Variants in GPHN observed in about 807,000 individuals in gnomAD.
The protein encoded by GPHN is gephyrin.
GPHN carries 17 observed loss-of-function variants against 95.5 expected under a neutral mutation model. The ratio of observed to expected loss-of-function variants is 0.18; its 90% CI spans 0.12 to 0.27. The LOEUF (loss-of-function observed/expected upper bound fraction) is 0.27. Among genes scored for constraint, GPHN ranks in the 10% least tolerant of loss-of-function variants. The pLI is 1.00. For synonymous variants in GPHN, 320 were observed against 322.5 expected (o/e 0.99, Z 0.08); for missense variants, 660 against 978.1 (o/e 0.67, Z 4.34).
intron 3 of GPHN, among the ~76,000 whole-genome samples, chr14:66,783,923 A>G (rs1470834819): frequency 1.3e-5 from 2 of 152,210 alleles, no homozygotes; most frequent in African/African-American, 4.8e-5. Flanking sequence ...CTGCTAAAAA[A>G]GATTAAATAG....
chr14:67,523,364 C>A, the GPHN span, among the ~76,000 whole-genome samples: 1 of 151,584 alleles, frequency 6.6e-6, no homozygotes, highest in Non-Finnish European at 1.5e-5. Flanking sequence ...GTCCAGTCCT[C>A]AAAACAGTAC....
chr14:67,423,253 A>G, the GPHN span, among the ~76,000 whole-genome samples: 1 of 152,182 alleles, frequency 6.6e-6, no homozygotes, highest in Non-Finnish European at 1.5e-5. Flanking sequence ...ATTTGTTTGC[A>G]AGATTGAATT....
chr14:67,583,849 C>T, the GPHN span: 566 of 1,613,346 alleles, frequency 3.5e-4, 1 homozygote, highest in Middle Eastern at 1.2e-3. Context: ...CCACCCCAGG[C>T]GCTATAGACA....
At chr14:66,673,450 G>T (rs1167239529) in intron 1 of GPHN, among the ~76,000 whole-genome samples, 1 of 152,156 alleles carries the variant, frequency 6.6e-6, no homozygotes, top group East Asian at 1.9e-4. Flanking sequence ...ACTAAACGAA[G>T]TCCAATAACA....
chr14:67,143,348 T>C lies in GPHN; in HGVS notation c.1749-14T>C. The stretch of plus-strand genomic sequence containing the variant: ...TCCTTGTGTGTTAATTTCTTTGTCT[T>C]TATTTTTTTCCAGCCCAGATGACTT... On this transcript the variant is annotated splice_polypyrimidine_tract_variant and intron_variant, in intron 17 of 22. Coordinates refer to ENST00000478722, the MANE Select transcript of GPHN (RefSeq NM_020806.5). 4 of 1,569,270 alleles carry C rather than the reference T, an allele frequency of 2.5e-6. No individual in the cohort carries two copies. Among genetic ancestry groups the C allele is most frequent in the Non-Finnish European group, 3.5e-6 (4 of 1,139,090 alleles).
intron 17 of GPHN, among the ~76,000 whole-genome samples, chr14:67,139,484 C>G (rs980625134): frequency 2.0e-5 from 3 of 152,138 alleles, no homozygotes; most frequent in Admixed American, 6.5e-5. Flanking sequence ...CTTTAAAAAA[C>G]TACACAATCA....
chr14:67,579,941 A>G, the GPHN span: 1 of 1,446,864 alleles, frequency 6.9e-7, no homozygotes, highest in Non-Finnish European at 9.4e-7. Context: ...GTGGGGAAAG[A>G]GCCCATCTGA....
At chr14:66,843,980 A>T (rs887843223) in intron 4 of GPHN, among the ~76,000 whole-genome samples, 1 of 152,034 alleles carries the variant, frequency 6.6e-6, no homozygotes, top group Non-Finnish European at 1.5e-5. Flanking sequence ...CCAGGGTTTT[A>T]TAAGGATAAG....
chr14:67,567,425 C>T, the GPHN span, among the ~76,000 whole-genome samples: 1 of 152,194 alleles, frequency 6.6e-6, no homozygotes, highest in Non-Finnish European at 1.5e-5. Flanking sequence ...CTTCAAACTT[C>T]AGTTTCATTT....
At chr14:67,665,480 G>A in the GPHN span, among the ~76,000 whole-genome samples, 1 of 151,832 alleles carries the variant, frequency 6.6e-6, no homozygotes, top group Non-Finnish European at 1.5e-5. Context: ...TGTTGCCTAA[G>A]CTGGTCTTGA....
chr14:67,304,741 T>TA, the GPHN span, among the ~76,000 whole-genome samples: 1 of 152,234 alleles, frequency 6.6e-6, no homozygotes, highest in Non-Finnish European at 1.5e-5. Flanking sequence ...AATCTGTGAA[T>TA]AAACTAAAAC....
the GPHN span, among the ~76,000 whole-genome samples, chr14:67,699,386 C>A: frequency 6.6e-6 from 1 of 151,658 alleles, no homozygotes; most frequent in Non-Finnish European, 1.5e-5. Flanking sequence ...GAGTCCCTGT[C>A]TCAACCAAAA....
the GPHN span, chr14:67,586,761 G>A: frequency 7.6e-7 from 1 of 1,311,402 alleles, no homozygotes; most frequent in Admixed American, 2.9e-5. Flanking sequence ...CTGCTAAAGG[G>A]GAGGATCTCC....
chr14:67,302,208 T>G, the GPHN span: 1 of 1,372,366 alleles, frequency 7.3e-7, no homozygotes, highest in African/African-American at 1.5e-5. Flanking sequence ...TTCTAATGAA[T>G]AGAGTATTTC....
intron 1 of GPHN, among the ~76,000 whole-genome samples, chr14:66,610,757 G>A (rs573012585): frequency 3.9e-5 from 6 of 152,204 alleles, no homozygotes; most frequent in East Asian, 1.9e-4. Context: ...AATACAACAT[G>A]GGCAAGTGGG....
At chr14:66,841,833 G>A (rs1336647667) in intron 4 of GPHN, among the ~76,000 whole-genome samples, 1 of 152,004 alleles carries the variant, frequency 6.6e-6, no homozygotes, top group African/African-American at 2.4e-5. Flanking sequence ...ATAAAGTCAG[G>A]AGTTCAAGAC....
At chr14:66,670,544 G>C (rs1048239818) in intron 1 of GPHN, among the ~76,000 whole-genome samples, 1 of 135,018 alleles carries the variant, frequency 7.4e-6, no homozygotes, top group Non-Finnish European at 1.8e-5. Flanking sequence ...TGTAATCCCA[G>C]CACTTTGGGA....
chr14:66,997,977 T>C (rs2071932834), intron 9 of GPHN, among the ~76,000 whole-genome samples: 1 of 152,236 alleles, frequency 6.6e-6, no homozygotes, highest in South Asian at 2.1e-4. Context: ...CATTTCTTTT[T>C]GCCACTTCAT....
the GPHN span, among the ~76,000 whole-genome samples, chr14:67,245,218 A>T: frequency 2.6e-5 from 4 of 152,230 alleles, no homozygotes; most frequent in East Asian, 7.7e-4. Flanking sequence ...ATAGGAAACT[A>T]ATACATTGTC....
Sources: allele counts gnomAD v4.1 joint callset (sites outside exome capture counted in the v4.1 genomes callset), GRCh38; gene constraint gnomAD v4.1.1; transcripts MANE v1.5; gene names NCBI Gene and HGNC (gene_info 2026-07-23, HGNC 2026-07-21).